The following DHRS7 variants were observed in gnomAD, a reference collection of about 807,000 sequenced individuals.
DHRS7 encodes the protein dehydrogenase/reductase SDR family member 7.
In DHRS7, 34 loss-of-function variants were observed where a neutral mutation model predicts 38.9. That is an observed-to-expected ratio of 0.87 (90% CI 0.66 to 1.16). DHRS7 has a LOEUF of 1.16. Among genes scored for constraint, DHRS7 ranks in the 50% most tolerant of loss-of-function variants. DHRS7 has a pLI of 0.00. For missense variants in DHRS7, 421 were observed against 407.0 expected (o/e 1.03, Z -0.30); for synonymous variants, 158 against 153.1 (o/e 1.03, Z -0.24).
rs904228704 is a variant in DHRS7, at chr14:60,145,193, C to T, written c.973-180G>A. ...AATCATAGCCAAAATTCTAGATGTACACAAAAGTACTTCTAATGAGTTTAG... is the reference window on the plus strand; with the variant it reads ...AATCATAGCCAAAATTCTAGATGTATACAAAAGTACTTCTAATGAGTTTAG... On this transcript the variant is annotated intron_variant, in intron 6 of 6. Transcript: ENST00000557185. The surrounding 1 kb of genome is among the most constrained non-coding windows in gnomAD (Gnocchi z 4.0). 1.1e-4 allele frequency: 53 copies of T among 465,660 alleles called. No homozygotes were observed. Among genetic ancestry groups the T allele is most frequent in the Non-Finnish European group, 1.1e-4 (29 of 269,942 alleles). The allele number at this position is 465,660 out of a possible 1,614,324, so 28.8% of individuals were successfully genotyped here.
intron 1 of DHRS7, among the ~76,000 whole-genome samples, chr14:60,163,221 G>A (rs1300892494): frequency 6.6e-6 from 1 of 151,922 alleles, no homozygotes; most frequent in African/African-American, 2.4e-5. Flanking sequence ...ATAAGCATAT[G>A]ACTAAATAAG....
intron 1 of DHRS7, among the ~76,000 whole-genome samples, chr14:60,163,896 C>G (rs896005628): frequency 1.6e-4 from 24 of 152,230 alleles, no homozygotes; most frequent in Admixed American, 1.3e-4. Flanking sequence ...AATAGGCACA[C>G]ATATTCCCCC....
Position 60,144,555 on chromosome 14 carries a change from G to C in DHRS7, c.*411C>G, listed in dbSNP as rs1487411415. On this transcript the variant is annotated 3_prime_UTR_variant, in exon 7 of 7. Transcript: ENST00000557185. ...GGTGCCATCTTGGAAGCAGAGATCA[G>C]CCTTCACCAGACACTAATTCTGCTG... 1 of 197,590 alleles carries C rather than the reference G, an allele frequency of 5.1e-6. No individual in the cohort carries two copies. The highest frequency in any genetic ancestry group is 1.0e-5 in the Non-Finnish European group (1 of 98,710). 12.2% of individuals were successfully genotyped at this position (197,590 alleles called of 1,614,324 possible).
At chr14:60,154,812 TAAG>T (rs1178192564) in intron 2 of DHRS7, among the ~76,000 whole-genome samples, 2 of 152,168 alleles carry the variant, frequency 1.3e-5, no homozygotes, top group Non-Finnish European at 2.9e-5. Flanking sequence ...TTGTGCCAGG[TAAG>T]AAATGCTGAC....
chr14:60,165,111 C>T lies in DHRS7; in HGVS notation c.133+66G>A. 1.9e-6 allele frequency: 3 copies of T among 1,586,868 alleles called. No homozygotes were observed. Among genetic ancestry groups the T allele is most frequent in the Non-Finnish European group, 2.6e-6 (3 of 1,166,428 alleles). Reference sequence around the variant, plus strand: ...GGGATCACTGCAGAACCCCCGGAGACCCGGACACGCCTCGGCAGCTCCGAG... The same window carrying T: ...GGGATCACTGCAGAACCCCCGGAGATCCGGACACGCCTCGGCAGCTCCGAG... On this transcript the variant is annotated intron_variant, in intron 1 of 6. Coordinates refer to ENST00000557185, the MANE Select transcript of DHRS7 (RefSeq NM_016029.4). This position sits in a 1 kb window ranked among gnomAD's most constrained non-coding sequence, Gnocchi z 4.6.
At position 60,165,371 on chromosome 14, in the gene DHRS7, C is replaced by A; in HGVS notation, c.-62G>T. The A allele has an allele frequency of 6.5e-7, 1 of 1,527,000 alleles. No individual in the cohort carries two copies. The highest frequency in any genetic ancestry group is 2.0e-5 in the Admixed American group (1 of 50,710). The allele number at this position is 1,527,000 out of a possible 1,614,324, so 94.6% of individuals were successfully genotyped here. A position where few individuals can be genotyped will look rare whatever the true frequency, so the allele number is the denominator to read the frequency against. On this transcript the variant is annotated 5_prime_UTR_variant, in exon 1 of 7. Transcript: ENST00000557185. The surrounding 1 kb of genome is among the most constrained non-coding windows in gnomAD (Gnocchi z 4.6). ...GGCCCGCACCAGAGTCGCGTCGCTG[C>A]CCTGCGGGATCGCAGCGCCACCCCT...
chr14:60,163,420 T>C (rs566711292), intron 1 of DHRS7, among the ~76,000 whole-genome samples: 43 of 152,120 alleles, frequency 2.8e-4, no homozygotes, highest in Non-Finnish European at 5.0e-4. Context: ...TCCAGAGTAG[T>C]TGGGATTGCA....
chr14:60,158,107 G>A (rs1419270012), intron 1 of DHRS7, among the ~76,000 whole-genome samples: 5 of 151,626 alleles, frequency 3.3e-5, no homozygotes, highest in Admixed American at 6.6e-5. Context: ...GTGGCGCATC[G>A]TTGTAACCCC....
chr14:60,154,197 T>A, intron 2 of DHRS7, 132 bp from the exon 3 acceptor site: 1 of 655,780 alleles, frequency 1.5e-6, no homozygotes, highest in Non-Finnish European at 2.6e-6. Context: ...TGAAAGTTCC[T>A]CTCGGTGGTC....
chr14:60,153,644 C>T lies in DHRS7; in HGVS notation c.393+315G>A, dbSNP rs568406054. Among the ~76,000 whole-genome samples the T allele has an allele frequency of 9.9e-5, 15 of 152,144 alleles. No homozygotes were observed. The highest frequency in any genetic ancestry group is 3.4e-3 in the Middle Eastern group (1 of 294). On this transcript the variant is annotated intron_variant, in intron 3 of 6. Coordinates refer to ENST00000557185, the MANE Select transcript of DHRS7 (RefSeq NM_016029.4). The surrounding 1 kb of genome is among the most constrained non-coding windows in gnomAD (Gnocchi z 4.4). The stretch of plus-strand genomic sequence containing the variant: ...CTGGGAGGCGGAGATTGCAGTGAAC[C>T]GATATCACACCACTGCACTCCAGCC...
upstream of DHRS7, chr14:60,168,902 T>C: frequency 2.1e-6 from 2 of 931,240 alleles, no homozygotes; most frequent in Non-Finnish European, 3.0e-6. Flanking sequence ...TGAAAGTGGT[T>C]AGTCTAACTA....
At chr14:60,157,083 C>T (rs976558068) in intron 1 of DHRS7, among the ~76,000 whole-genome samples, 1 of 152,162 alleles carries the variant, frequency 6.6e-6, no homozygotes, top group Admixed American at 6.5e-5. Flanking sequence ...CACTTAACAT[C>T]ACATTTCCGA....
Position 60,162,348 on chromosome 14 carries a change from G to A in DHRS7, c.133+2829C>T, listed in dbSNP as rs1337341045. 6.6e-6 allele frequency among the ~76,000 whole-genome samples: 1 copy of A among 151,622 alleles called. No homozygotes were observed. Among genetic ancestry groups the A allele is most frequent in the Non-Finnish European group, 1.5e-5 (1 of 67,934 alleles). ...TGATCATGCCACTGCACTCCAGGCT[G>A]GGTGACAAAGCAAGACCTTGTCTCT... On this transcript the variant is annotated intron_variant, in intron 1 of 6. Coordinates refer to ENST00000557185, the MANE Select transcript of DHRS7 (RefSeq NM_016029.4). This position sits in a 1 kb window ranked among gnomAD's most constrained non-coding sequence, Gnocchi z 4.5.
intron 2 of DHRS7, 33 bp from the exon 3 acceptor site, chr14:60,154,098 T>C: frequency 6.4e-7 from 1 of 1,566,088 alleles, no homozygotes; most frequent in Non-Finnish European, 8.8e-7. Context: ...GTGGAAGTCA[T>C]GCCATAGTTC....
At position 60,153,629 on chromosome 14, in the gene DHRS7, G is replaced by C. The variant is rs115138548; in HGVS notation, c.393+330C>G. Among the ~76,000 whole-genome samples the C allele has an allele frequency of 2.5e-3, 375 of 152,272 alleles. 1 individual carries two copies. The highest frequency in any genetic ancestry group is 8.7e-3 in the African/African-American group (363 of 41,546). ...GAGAATCCCTTAAACCTGGGAGGCG[G>C]AGATTGCAGTGAACCGATATCACAC... On this transcript the variant is annotated intron_variant, in intron 3 of 6. Coordinates refer to ENST00000557185, the MANE Select transcript of DHRS7 (RefSeq NM_016029.4). The surrounding 1 kb of genome is among the most constrained non-coding windows in gnomAD (Gnocchi z 4.4).
At chr14:60,164,417 T>C (rs535628748) in intron 1 of DHRS7, among the ~76,000 whole-genome samples, 1 of 152,290 alleles carries the variant, frequency 6.6e-6, no homozygotes, top group East Asian at 1.9e-4. Flanking sequence ...GGTAGGTCAT[T>C]TAATTTCTCT....
chr14:60,163,454 T>A (rs1304443603), intron 1 of DHRS7, among the ~76,000 whole-genome samples: 1 of 152,128 alleles, frequency 6.6e-6, no homozygotes, highest in East Asian at 1.9e-4. Flanking sequence ...ACGCCAGATT[T>A]TTGCTGAATA....
chr14:60,154,210 GA>G, intron 2 of DHRS7, 145 bp from the exon 3 acceptor site: 1 of 608,888 alleles, frequency 1.6e-6, no homozygotes, highest in Non-Finnish European at 2.9e-6. Context: ...CGGTGGTCAG[GA>G]AGAGGACTAG....
intron 4 of DHRS7, among the ~76,000 whole-genome samples, chr14:60,151,692 A>T (rs1291119456): frequency 6.6e-6 from 1 of 152,236 alleles, no homozygotes; most frequent in African/African-American, 2.4e-5. Flanking sequence ...TATTGTGTGT[A>T]AACTTTTCAA....
Sources: allele counts gnomAD v4.1 joint callset (sites outside exome capture counted in the v4.1 genomes callset), GRCh38; gene constraint gnomAD v4.1.1; non-coding constraint Gnocchi (gnomAD v3.1); transcripts MANE v1.5; gene names NCBI Gene and HGNC (gene_info 2026-07-23, HGNC 2026-07-21).